Variants in ZNF217 observed in about 807,000 individuals in gnomAD.
ZNF217 encodes the protein zinc finger protein 217.
Under a neutral mutation model 73.3 loss-of-function variants are expected in ZNF217, and 12 were observed. The ratio of observed to expected loss-of-function variants is 0.16; its 90% CI spans 0.10 to 0.27. ZNF217 has a LOEUF of 0.27. Ranked by LOEUF, ZNF217 falls within the 10% of genes least tolerant of loss-of-function variation. The probability of loss-of-function intolerance (pLI) is 1.00; values close to 1 mark genes in which losing one functional copy is unlikely to be tolerated. For synonymous variants in ZNF217, 588 were observed against 516.4 expected (o/e 1.14, Z -1.88); for missense variants, 1,195 against 1,327.8 (o/e 0.90, Z 1.55).
chr20:53,595,757 A>T (rs917960259), upstream of ZNF217, among the ~76,000 whole-genome samples: 10 of 152,204 alleles, frequency 6.6e-5, no homozygotes, highest in African/African-American at 2.4e-4. Flanking sequence ...TCTTTAAAAT[A>T]TATTTTTTAA....
chr20:53,577,553 A>G (rs1370996871), intron 3 of ZNF217, among the ~76,000 whole-genome samples: 2 of 152,232 alleles, frequency 1.3e-5, no homozygotes, highest in African/African-American at 4.8e-5. Context: ...CTACTTTTAC[A>G]GCAAAGAAAA....
chr20:53,592,822 G>A (rs1252002687), intron 1 of ZNF217, among the ~76,000 whole-genome samples: 2 of 147,888 alleles, frequency 1.4e-5, no homozygotes, highest in African/African-American at 2.5e-5. Context: ...GCACCTCCTG[G>A]CAGAAACTTC....
In ZNF217 at chr20:53,575,884, C is replaced by T. The variant is rs1196156933; in HGVS notation, c.2880G>A (p.Val960=). 2.1e-5 allele frequency: 34 copies of T among 1,614,234 alleles called. No homozygotes were observed. The highest frequency in any genetic ancestry group is 2.9e-5 in the Non-Finnish European group (34 of 1,180,054). The part of the protein sequence containing the change: ...GITSLLPQDC[V]YPSQALPPKP... The stretch of plus-strand genomic sequence containing the variant: ...TGGGAGGCAGCGCCTGCGACGGATA[C>T]ACACAGTCCTGCGGTAACAGTGATG... The change falls in exon 4 of 6, where the codon GTG becomes GTA. Residue 960 remains valine, a synonymous_variant. Transcript: ENST00000371471.
At chr20:53,597,427 G>GAAAT (rs1174966013), upstream of ZNF217, among the ~76,000 whole-genome samples, 2 of 152,172 alleles carry the variant, frequency 1.3e-5, no homozygotes, top group African/African-American at 2.4e-5. Context: ...GGACATTTGA[G>GAAAT]AAGGAAACAG....
At chr20:53,578,552 T>G (rs764435638) in intron 2 of ZNF217, 102 bp from the exon 3 acceptor site, 2 of 736,694 alleles carry the variant, frequency 2.7e-6, no homozygotes, top group Non-Finnish European at 4.3e-6. Flanking sequence ...TTGGAAAGCA[T>G]GAAAAAATTC....
intron 2 of ZNF217, among the ~76,000 whole-genome samples, chr20:53,578,710 G>A (rs1408408862): frequency 1.3e-5 from 2 of 152,068 alleles, no homozygotes; most frequent in East Asian, 1.9e-4. Context: ...TCAGTTCTTC[G>A]TTTGCCTTAA....
In ZNF217 at chr20:53,581,538, T is replaced by C. The variant is rs745688027; in HGVS notation, c.1289A>G (p.Glu430Gly). 9.3e-6 allele frequency: 15 copies of C among 1,614,196 alleles called. No individual in the cohort carries two copies. In the East Asian group the frequency reaches 3.3e-4, roughly 36 times the overall value. The change falls in exon 2 of 6, where the codon GAA becomes GGA. Residue 430 changes from glutamate to glycine, a missense_variant. Coordinates refer to ENST00000371471, the MANE Select transcript of ZNF217 (RefSeq NM_006526.3). The surrounding 1 kb of genome is among the most constrained non-coding windows in gnomAD (Gnocchi z 4.9). The stretch of plus-strand genomic sequence containing the variant: ...TTCCCCTCGATCCACGGCTCCATTT[T>C]CATCCAGAGGGGCGGCGAGGTCAGG... ...CSPDLAAPLD[E>G]NGAVDRGEGG... is the part of the protein sequence containing the mutation.
upstream of ZNF217, chr20:53,593,872 G>A (rs1600734461): frequency 6.6e-6 from 1 of 150,840 alleles, no homozygotes; most frequent in African/African-American, 2.4e-5. Context: ...GAGGGGGCGG[G>A]GAGGGCGGAG....
chr20:53,583,943 G>A (rs1217541721), intron 1 of ZNF217, among the ~76,000 whole-genome samples: 1 of 152,228 alleles, frequency 6.6e-6, no homozygotes, highest in Non-Finnish European at 1.5e-5. Context: ...CATACACAAA[G>A]CTCCTTTGTG....
rs992451530 is a variant in ZNF217 at position 53,581,164 on chromosome 20, AT to A, written c.1366+296del. Among the ~76,000 whole-genome samples, 5 of 150,274 alleles carry A rather than the reference AT, an allele frequency of 3.3e-5. No individual in the cohort carries two copies. Among genetic ancestry groups the A allele is most frequent in the African/African-American group, 4.9e-5 (2 of 41,040 alleles). Reference sequence around the variant, plus strand: ...TGCATTTGGGCTGGATGCACAAGTTATTTTTTTTTTAAAGTGTGTTTTGTGA... The same window carrying A: ...TGCATTTGGGCTGGATGCACAAGTTATTTTTTTTTAAAGTGTGTTTTGTGA... On this transcript the variant is annotated intron_variant, in intron 2 of 5. Coordinates refer to ENST00000371471, the MANE Select transcript of ZNF217 (RefSeq NM_006526.3). This position sits in a 1 kb window ranked among gnomAD's most constrained non-coding sequence, Gnocchi z 4.9.
In ZNF217 at chr20:53,576,192, C is replaced by G. The variant is rs763201551; in HGVS notation, c.2572G>C (p.Glu858Gln). ...SPAPDKTKRP[E>Q]TKLKPLPVAP... is the part of the protein sequence containing the mutation. ...ACTGGAAGAGGTTTCAATTTTGTCT[C>G]GGGTCTTTTTGTCTTATCCGGTGCA... The change falls in exon 4 of 6, where the codon GAG (glutamate) becomes CAG (glutamine). Residue 858 changes from glutamate to glutamine, a missense_variant. By Grantham distance (29) the Glu-to-Gln change is conservative (BLOSUM62 2). Coordinates refer to ENST00000371471, the MANE Select transcript of ZNF217 (RefSeq NM_006526.3). 6 of 1,614,064 alleles carry G rather than the reference C, an allele frequency of 3.7e-6. No homozygotes were observed. The highest frequency in any genetic ancestry group is 1.7e-5 in the Admixed American group (1 of 59,998).
intron 1 of ZNF217, among the ~76,000 whole-genome samples, chr20:53,588,091 T>C (rs1163774793): frequency 6.6e-6 from 1 of 152,132 alleles, no homozygotes; most frequent in Non-Finnish European, 1.5e-5. Context: ...GTAAAGGAAA[T>C]AATTTCATTT....
chr20:53,578,305 G>T, intron 3 of ZNF217, 29 bp downstream of exon 3: 3 of 1,432,916 alleles, frequency 2.1e-6, no homozygotes, highest in Non-Finnish European at 2.9e-6. Context: ...TTTAACTAAT[G>T]CATGGTTAAA....
In ZNF217 at chr20:53,569,157, T is replaced by G; in HGVS notation, c.*131A>C. ...TTCCTTGCAGATTCCTCATATGTTT[T>G]ATGTACAGTACAATCACAGCTTATT... is the stretch of plus-strand genomic sequence containing the variant. On this transcript the variant is annotated 3_prime_UTR_variant, in exon 6 of 6. Transcript: ENST00000371471. 5 of 1,344,806 alleles carry G rather than the reference T, an allele frequency of 3.7e-6. No individual in the cohort carries two copies. The highest frequency in any genetic ancestry group is 4.9e-6 in the Non-Finnish European group (5 of 1,010,834). The allele number at this position is 1,344,806 out of a possible 1,614,324, so 83.3% of individuals were successfully genotyped here.
At chr20:53,577,556 A>G (rs1988329387) in intron 3 of ZNF217, among the ~76,000 whole-genome samples, 1 of 152,242 alleles carries the variant, frequency 6.6e-6, no homozygotes, top group African/African-American at 2.4e-5. Flanking sequence ...CTTTTACAGC[A>G]AAGAAAACTA....
Position 53,575,690 on chromosome 20 carries a change from AG to A in ZNF217, c.3037+36del, listed in dbSNP as rs760552838. The A allele has an allele frequency of 2.4e-5, 36 of 1,505,510 alleles. No individual in the cohort carries two copies. In the South Asian group the frequency reaches 4.4e-4, roughly 18 times the overall value. 93.3% of individuals were successfully genotyped at this position (1,505,510 alleles called of 1,614,324 possible). ...GCCTGGATTAGCTATTAATCACTGT[AG>A]GCAGCCATTTAAACACGACGCCCCT... On this transcript the variant is annotated intron_variant, in intron 4 of 5. Transcript: ENST00000371471.
At chr20:53,589,940 AC>A (rs1379235291) in intron 1 of ZNF217, among the ~76,000 whole-genome samples, 1 of 122,586 alleles carries the variant, frequency 8.2e-6, no homozygotes, top group African/African-American at 3.1e-5. Flanking sequence ...GCGGATCAAG[AC>A]CCCCCCGCCC....
At chr20:53,578,781 C>G (rs112884305) in intron 2 of ZNF217, among the ~76,000 whole-genome samples, 4 of 152,312 alleles carry the variant, frequency 2.6e-5, no homozygotes, top group African/African-American at 9.6e-5. Context: ...CTCAGTGTCT[C>G]TGAGCAGGCA....
intron 1 of ZNF217, among the ~76,000 whole-genome samples, chr20:53,584,543 G>A (rs866532228): frequency 9.9e-5 from 15 of 152,208 alleles, no homozygotes; most frequent in Admixed American, 9.8e-4. Context: ...TATCACAATG[G>A]AGGATCAACA....
Sources: allele counts gnomAD v4.1 joint callset (sites outside exome capture counted in the v4.1 genomes callset), GRCh38; gene constraint gnomAD v4.1.1; non-coding constraint Gnocchi (gnomAD v3.1); transcripts MANE v1.5; gene names NCBI Gene and HGNC (gene_info 2026-07-23, HGNC 2026-07-21).